Variants in CDR2 observed in about 807,000 individuals in gnomAD.
CDR2 encodes cerebellar degeneration related protein 2.
A neutral mutation model predicts 48.4 loss-of-function variants in CDR2; 34 were observed. The ratio of observed to expected loss-of-function variants is 0.70; its 90% CI spans 0.53 to 0.94. The LOEUF is 0.94. CDR2 is among the 40% of genes least tolerant of loss of function. The pLI is 0.00. For synonymous variants in CDR2, 240 were observed against 219.7 expected (o/e 1.09, Z -0.82); for missense variants, 498 against 549.5 (o/e 0.91, Z 0.94).
intron 2 of CDR2, among the ~76,000 whole-genome samples, chr16:22,359,065 G>A (rs2048994791): frequency 1.3e-5 from 2 of 152,012 alleles, no homozygotes; most frequent in Admixed American, 1.3e-4. Context: ...CGTCACAGGC[G>A]CCCCAGATAT....
intron 2 of CDR2, among the ~76,000 whole-genome samples, chr16:22,355,521 A>T (rs2048969168): frequency 6.6e-6 from 1 of 152,216 alleles, no homozygotes; most frequent in Non-Finnish European, 1.5e-5. Flanking sequence ...TTCAAGTACT[A>T]ATAGATCTGT....
At position 22,349,423 on chromosome 16, in the gene CDR2, C is replaced by A; in HGVS notation, c.362G>T (p.Cys121Phe). 3 of 1,614,136 alleles carry A rather than the reference C, an allele frequency of 1.9e-6. No homozygotes were observed. The highest frequency in any genetic ancestry group is 2.5e-6 in the Non-Finnish European group (3 of 1,180,008). The change falls in exon 4 of 5, where the codon TGC (cysteine) becomes TTC (phenylalanine). Residue 121 changes from cysteine (C) to phenylalanine (F), a missense_variant. By Grantham distance (205) the Cys-to-Phe change is radical. Transcript: ENST00000268383. The part of the protein sequence containing the change: ...KILSLTETIE[C>F]LQTNIDHLQS... Reference sequence around the variant, plus strand: ...GAGGTGATCAATGTTGGTTTGCAGGCATTCAATCGTTTCAGTCAGGCTGTG... The same window carrying A: ...GAGGTGATCAATGTTGGTTTGCAGGAATTCAATCGTTTCAGTCAGGCTGTG...
intron 1 of CDR2, among the ~76,000 whole-genome samples, chr16:22,372,093 T>C (rs1187160466): frequency 6.6e-6 from 1 of 152,116 alleles, no homozygotes; most frequent in Non-Finnish European, 1.5e-5. Flanking sequence ...TGGTCTCGAA[T>C]TCCTGGCCTC....
At chr16:22,349,677 C>G in intron 3 of CDR2, 24 bp downstream of exon 3, 1 of 1,612,528 alleles carries the variant, frequency 6.2e-7, no homozygotes, top group Non-Finnish European at 8.5e-7. Flanking sequence ...CTAGTCCTTC[C>G]TTGTCAGATT....
chr16:22,351,093 A>G (rs1444688485), intron 2 of CDR2, among the ~76,000 whole-genome samples: 1 of 152,110 alleles, frequency 6.6e-6, no homozygotes, highest in Non-Finnish European at 1.5e-5. Flanking sequence ...ATTCCCACCT[A>G]TGAGTGAGAA....
chr16:22,354,774 G>A (rs1313789593), intron 2 of CDR2, among the ~76,000 whole-genome samples: 1 of 151,664 alleles, frequency 6.6e-6, no homozygotes, highest in Non-Finnish European at 1.5e-5. Context: ...CACGCCTGTA[G>A]TCCCAGCTAC....
intron 2 of CDR2, among the ~76,000 whole-genome samples, chr16:22,350,080 T>C (rs544315743): frequency 2.0e-5 from 3 of 152,030 alleles, no homozygotes; most frequent in Non-Finnish European, 4.4e-5. Flanking sequence ...TCCCAGCTAC[T>C]TGGGAGGCTG....
chr16:22,365,216 C>G, intron 1 of CDR2: 1 of 473,220 alleles, frequency 2.1e-6, no homozygotes, highest in South Asian at 3.1e-5. Context: ...TGTACCCATA[C>G]TTGTAAGAAG....
intron 1 of CDR2, among the ~76,000 whole-genome samples, chr16:22,371,877 TGTGTGTG>T (rs1240206909): frequency 6.6e-6 from 1 of 151,706 alleles, no homozygotes. Flanking sequence ...TGTGTGTGTG[TGTGTGTG>T]TTTTGAGAGG....
At chr16:22,373,036 T>A (rs558442062) in intron 1 of CDR2, among the ~76,000 whole-genome samples, 19 of 152,176 alleles carry the variant, frequency 1.2e-4, no homozygotes, top group Non-Finnish European at 1.9e-4. Flanking sequence ...CAGTACTCAG[T>A]ATAGCGGTTA....
Position 22,346,987 on chromosome 16 carries a change from C to T in CDR2, c.1343G>A (p.Arg448Gln), listed in dbSNP as rs867506931. ...QEIDEQRTKY[R>Q]SLSSHS Reference sequence around the variant, plus strand: ...CAATTAAGAATGAGAGGAGAGTGATCGGTATTTTGTTCTCTGTTCATCTAT... The same window carrying T: ...CAATTAAGAATGAGAGGAGAGTGATTGGTATTTTGTTCTCTGTTCATCTAT... Residue 448 changes from arginine (R) to glutamine (Q), a missense_variant, in exon 5 of 5, where the codon CGA becomes CAA. Physicochemically the swap from Arg to Gln is conservative, Grantham distance 43 (BLOSUM62 1). Coordinates refer to ENST00000268383, the MANE Select transcript of CDR2 (RefSeq NM_001802.2). 3 of 1,610,934 alleles carry T rather than the reference C, an allele frequency of 1.9e-6. No individual in the cohort carries two copies. The highest frequency in any genetic ancestry group is 3.3e-5 in the Admixed American group (2 of 59,958).
At chr16:22,371,196 C>T (rs1239221950) in intron 1 of CDR2, among the ~76,000 whole-genome samples, 4 of 150,002 alleles carry the variant, frequency 2.7e-5, no homozygotes, top group Admixed American at 6.7e-5. Context: ...GGGGACAGAG[C>T]GAGACTCCAC....
At position 22,346,986 on chromosome 16, in the gene CDR2, T is replaced by C; in HGVS notation, c.1344A>G (p.Arg448=). Reference sequence around the variant, plus strand: ...TCAATTAAGAATGAGAGGAGAGTGATCGGTATTTTGTTCTCTGTTCATCTA... The same window carrying C: ...TCAATTAAGAATGAGAGGAGAGTGACCGGTATTTTGTTCTCTGTTCATCTA... ...QEIDEQRTKY[R]SLSSHS The change falls in exon 5 of 5, where the codon CGA becomes CGG. Residue 448 remains arginine (R), a synonymous_variant. Transcript: ENST00000268383. 3 of 1,610,996 alleles carry C rather than the reference T, an allele frequency of 1.9e-6. No individual in the cohort carries two copies. Among genetic ancestry groups the C allele is most frequent in the Non-Finnish European group, 2.5e-6 (3 of 1,177,312 alleles).
At chr16:22,350,218 TGCTGTTCC>T (rs1250073992) in intron 2 of CDR2, among the ~76,000 whole-genome samples, 2 of 151,692 alleles carry the variant, frequency 1.3e-5, no homozygotes, top group African/African-American at 2.4e-5. Flanking sequence ...CCTGCTGTTC[TGCTGTTCC>T]AACACCAATT....
At chr16:22,355,395 C>T (rs974219672) in intron 2 of CDR2, among the ~76,000 whole-genome samples, 4 of 152,236 alleles carry the variant, frequency 2.6e-5, no homozygotes, top group African/African-American at 4.8e-5. Context: ...GCCAGCAGTT[C>T]TTAGCCTGGG....
chr16:22,363,006 G>A (rs2049020434), intron 2 of CDR2, among the ~76,000 whole-genome samples: 1 of 149,540 alleles, frequency 6.7e-6, no homozygotes, highest in Non-Finnish European at 1.5e-5. Flanking sequence ...AGGCTGGAGT[G>A]CAACTGCACA....
At chr16:22,362,253 A>C (rs559982198) in intron 2 of CDR2, among the ~76,000 whole-genome samples, 1 of 152,206 alleles carries the variant, frequency 6.6e-6, no homozygotes, top group Non-Finnish European at 1.5e-5. Flanking sequence ...TTTCATTTCC[A>C]TGACGCTTTG....
rs191695516 is a variant in CDR2 at position 22,374,360 on chromosome 16, C to A, written c.-51G>T. 2.9e-6 allele frequency: 4 copies of A among 1,357,388 alleles called. No homozygotes were observed. Among genetic ancestry groups the A allele is most frequent in the Non-Finnish European group, 4.1e-6 (4 of 969,026 alleles). 84.1% of individuals were successfully genotyped at this position (1,357,388 alleles called of 1,614,324 possible). A position where few individuals can be genotyped will look rare whatever the true frequency, so the allele number is the denominator to read the frequency against. ...GGCCCCCGCCGCCGTCCCGCCTCAG[C>A]CGCTGCCCCGGGCTCTTCCCCGGCC... On this transcript the variant is annotated 5_prime_UTR_variant, in exon 1 of 5. Transcript: ENST00000268383.
intron 2 of CDR2, among the ~76,000 whole-genome samples, chr16:22,352,138 C>T (rs1156956801): frequency 6.6e-6 from 1 of 152,112 alleles, no homozygotes; most frequent in Non-Finnish European, 1.5e-5. Context: ...TGTAATCCCA[C>T]GTACTCAGGA....
Sources: allele counts gnomAD v4.1 joint callset (sites outside exome capture counted in the v4.1 genomes callset), GRCh38; gene constraint gnomAD v4.1.1; transcripts MANE v1.5; gene names NCBI Gene and HGNC (gene_info 2026-07-23, HGNC 2026-07-21).